LMOD1: variants seen among roughly 807,000 people sequenced by gnomAD.
LMOD1 encodes the protein leiomodin-1.
LMOD1 carries 8 observed loss-of-function variants against 36.5 expected under a neutral mutation model. The ratio of observed to expected loss-of-function variants is 0.22; its 90% CI spans 0.13 to 0.40. The LOEUF is 0.40. LMOD1 is among the 10% of genes least tolerant of loss of function. The pLI is 1.00. For missense variants in LMOD1, 630 were observed against 751.1 expected (o/e 0.84, Z 1.88); for synonymous variants, 284 against 288.7 (o/e 0.98, Z 0.17).
chr1:201,913,404 G>A (rs1209024021), intron 1 of LMOD1, among the ~76,000 whole-genome samples: 1 of 152,066 alleles, frequency 6.6e-6, no homozygotes, highest in Non-Finnish European at 1.5e-5. Context: ...TCACCAGCTC[G>A]AGACCAGCCT....
intron 1 of LMOD1, among the ~76,000 whole-genome samples, chr1:201,916,718 C>T (rs953558736): frequency 1.1e-4 from 16 of 152,128 alleles, no homozygotes; most frequent in African/African-American, 2.4e-5. Context: ...TGTGCTCAGT[C>T]TTCAGCCCGG....
chr1:201,943,457 T>C (rs974091707), intron 1 of LMOD1, among the ~76,000 whole-genome samples: 1 of 152,246 alleles, frequency 6.6e-6, no homozygotes, highest in Non-Finnish European at 1.5e-5. Flanking sequence ...CCACCGTCAG[T>C]GAGGGCTGCA....
Position 201,899,465 on chromosome 1 carries a change from A to C in LMOD1, c.1548T>G (p.Ser516=). 6.2e-7 allele frequency: 1 copy of C among 1,613,768 alleles called. No homozygotes were observed. Among genetic ancestry groups the C allele is most frequent in the Non-Finnish European group, 8.5e-7 (1 of 1,179,842 alleles). Residue 516 remains serine, a synonymous_variant, in exon 2 of 3, where the codon TCT becomes TCG. Coordinates refer to ENST00000367288, the MANE Select transcript of LMOD1 (RefSeq NM_012134.3). This position sits in a 1 kb window ranked among gnomAD's most constrained non-coding sequence, Gnocchi z 6.3. ...GTGAGTTCTTTGGAGAGGGCTTTGGAGATGGTTGAGGTGAAGGTTTTGGGG... is the reference window on the plus strand; with the variant it reads ...GTGAGTTCTTTGGAGAGGGCTTTGGCGATGGTTGAGGTGAAGGTTTTGGGG... ...KGSPKPSPQP[S]PKPSPKNSPK...
In LMOD1 at chr1:201,946,528, T is replaced by C. The variant is rs998992406; in HGVS notation, c.-188A>G. 4.7e-6 allele frequency: 3 copies of C among 641,530 alleles called. No homozygotes were observed. Among genetic ancestry groups the C allele is most frequent in the Admixed American group, 5.9e-5 (2 of 33,898 alleles). 39.7% of individuals were successfully genotyped at this position (641,530 alleles called of 1,614,324 possible). ...TGTTCACTGGACGCAGCAGCCTCCC[T>C]GAAGCCCAGGGCTAGTGGACCCCGG... On this transcript the variant is annotated 5_prime_UTR_variant, in exon 1 of 3. Transcript: ENST00000367288.
chr1:201,900,546 C>G lies in LMOD1; in HGVS notation c.467G>C (p.Arg156Pro). ...GEKPKEEKII[R>P]GIDKGRVRAA... ...CCTGACCCGGCCCTTGTCAATGCCC[C>G]GGATGATCTTCTCCTCCTTGGGCTT... The change falls in exon 2 of 3, where the codon CGG becomes CCG. Residue 156 changes from arginine (R) to proline (P), a missense_variant. Physicochemically the swap from Arg to Pro is moderately radical, Grantham distance 103 (BLOSUM62 -2). Around this residue, in one of 3 missense-constraint regions of LMOD1, gnomAD observed 405 missense variants for 400.6 expected, o/e 1.01. Coordinates refer to ENST00000367288, the MANE Select transcript of LMOD1 (RefSeq NM_012134.3). The G allele has an allele frequency of 6.2e-7, 1 of 1,613,866 alleles. No homozygotes were observed. Among genetic ancestry groups the G allele is most frequent in the Non-Finnish European group, 8.5e-7 (1 of 1,179,886 alleles).
intron 1 of LMOD1, among the ~76,000 whole-genome samples, chr1:201,924,272 C>T (rs372132878): frequency 1.4e-5 from 2 of 145,346 alleles, no homozygotes; most frequent in East Asian, 2.0e-4. Context: ...TGCAGTGAGC[C>T]GAGATAGCGC....
intron 1 of LMOD1, among the ~76,000 whole-genome samples, chr1:201,938,800 G>A (rs1490363283): frequency 6.6e-6 from 1 of 152,188 alleles, no homozygotes; most frequent in East Asian, 1.9e-4. Context: ...ACAGCATCCC[G>A]ACAACCCGGC....
intron 1 of LMOD1, among the ~76,000 whole-genome samples, chr1:201,938,882 G>T (rs955250815): frequency 6.6e-6 from 1 of 152,200 alleles, no homozygotes; most frequent in Admixed American, 6.5e-5. Flanking sequence ...GCTTTTCTGA[G>T]CTTGTGCTGG....
Position 201,901,632 on chromosome 1 carries a change from A to G in LMOD1, c.262-881T>C, listed in dbSNP as rs1165088709. ...TATACACATATATATGTGTGTGTGTATATATATATATATATACATATATAT... is the reference window on the plus strand; with the variant it reads ...TATACACATATATATGTGTGTGTGTGTATATATATATATATACATATATAT... On this transcript the variant is annotated intron_variant, in intron 1 of 2. Transcript: ENST00000367288. Among the ~76,000 whole-genome samples the G allele has an allele frequency of 1.5e-3, 21 of 13,722 alleles. 3 individuals are homozygous for G. The highest frequency in any genetic ancestry group is 0.037 in the Middle Eastern group (2 of 54). 9.0% of individuals were successfully genotyped at this position (13,722 alleles called of 152,430 possible). A position where few individuals can be genotyped will look rare whatever the true frequency, so the allele number is the denominator to read the frequency against.
At chr1:201,939,186 C>A (rs1682073007) in intron 1 of LMOD1, among the ~76,000 whole-genome samples, 1 of 151,036 alleles carries the variant, frequency 6.6e-6, no homozygotes, top group African/African-American at 2.4e-5. Context: ...GTTGATTTGG[C>A]AGATATACAG....
intron 1 of LMOD1, among the ~76,000 whole-genome samples, chr1:201,919,048 A>T (rs960026571): frequency 3.3e-5 from 5 of 151,940 alleles, no homozygotes; most frequent in Non-Finnish European, 5.9e-5. Context: ...ATGTGCCACC[A>T]TGCCTGGCTA....
intron 1 of LMOD1, among the ~76,000 whole-genome samples, chr1:201,945,172 G>A (rs1054216004): frequency 6.6e-6 from 1 of 152,228 alleles, no homozygotes; most frequent in Non-Finnish European, 1.5e-5. Context: ...TCGGAGGCTA[G>A]TTTGTCCAAA....
chr1:201,944,882 T>C (rs1261457747), intron 1 of LMOD1, among the ~76,000 whole-genome samples: 1 of 152,188 alleles, frequency 6.6e-6, no homozygotes, highest in East Asian at 1.9e-4. Flanking sequence ...CACAATTTCA[T>C]ACCCAGCCAG....
At chr1:201,935,535 CT>C (rs1395328118) in intron 1 of LMOD1, among the ~76,000 whole-genome samples, 1 of 151,974 alleles carries the variant, frequency 6.6e-6, no homozygotes, top group East Asian at 1.9e-4. Context: ...AATCCCAGCA[CT>C]TTAGTTTTAT....
At chr1:201,931,223 T>A (rs1303841570) in intron 1 of LMOD1, among the ~76,000 whole-genome samples, 1 of 152,052 alleles carries the variant, frequency 6.6e-6, no homozygotes, top group Non-Finnish European at 1.5e-5. Context: ...AAGAGGGATA[T>A]CCTTTCCATG....
intron 1 of LMOD1, among the ~76,000 whole-genome samples, chr1:201,924,924 A>G (rs1681802716): frequency 6.6e-6 from 1 of 152,142 alleles, no homozygotes; most frequent in African/African-American, 2.4e-5. Context: ...AAAGAGTTCA[A>G]GATATTCCGG....
Position 201,900,695 on chromosome 1 carries a change from T to G in LMOD1, c.318A>C (p.Arg106Ser), listed in dbSNP as rs768503123. ...GGCCCAGGGCTTTTTTGCTGGCATCTCTGCCCCTTTCCTCTCCATTCTTGG... is the reference window on the plus strand; with the variant it reads ...GGCCCAGGGCTTTTTTGCTGGCATCGCTGCCCCTTTCCTCTCCATTCTTGG... Reference protein sequence around the residue: ...TDAKNGEERGRDASKKALGPR... With the variant: ...TDAKNGEERGSDASKKALGPR... Residue 106 changes from arginine to serine, a missense_variant, in exon 2 of 3, where the codon AGA becomes AGC. Arg to Ser is a moderately radical substitution (Grantham distance 110). Around this residue, in one of 3 missense-constraint regions of LMOD1, gnomAD observed 405 missense variants for 400.6 expected, o/e 1.01. Transcript: ENST00000367288. 4 of 1,613,648 alleles carry G rather than the reference T, an allele frequency of 2.5e-6. No homozygotes were observed. The highest frequency in any genetic ancestry group is 3.4e-6 in the Non-Finnish European group (4 of 1,179,764).
At chr1:201,936,897 G>A (rs1278542319) in intron 1 of LMOD1, among the ~76,000 whole-genome samples, 4 of 151,988 alleles carry the variant, frequency 2.6e-5, no homozygotes, top group Admixed American at 6.5e-5. Flanking sequence ...CCAAGATTGC[G>A]CCACTGCATT....
At chr1:201,925,716 AT>A (rs1210145356) in intron 1 of LMOD1, among the ~76,000 whole-genome samples, 1 of 148,834 alleles carries the variant, frequency 6.7e-6, no homozygotes, top group Non-Finnish European at 1.5e-5. Flanking sequence ...AATTTTTTAA[AT>A]TTTTTTGAGA....
Sources: allele counts gnomAD v4.1 joint callset (sites outside exome capture counted in the v4.1 genomes callset), GRCh38; gene constraint gnomAD v4.1.1; regional missense constraint gnomAD v4.1.1; non-coding constraint Gnocchi (gnomAD v3.1); transcripts MANE v1.5; gene names NCBI Gene and HGNC (gene_info 2026-07-23, HGNC 2026-07-21).